FARS2: variants seen among roughly 807,000 people sequenced by gnomAD.
FARS2 encodes the protein phenylalanyl-tRNA synthetase 2, mitochondrial.
FARS2 carries 40 observed loss-of-function variants against 46.4 expected under a neutral mutation model. That is an observed-to-expected ratio of 0.86 (90% CI 0.67 to 1.12). The LOEUF is 1.12. Among genes scored for constraint, FARS2 ranks in the 50% most tolerant of loss-of-function variants. FARS2 has a pLI of 0.00. For missense variants in FARS2, 513 were observed against 567.9 expected (o/e 0.90, Z 0.98); for synonymous variants, 234 against 214.9 (o/e 1.09, Z -0.78).
intron 1 of FARS2, among the ~76,000 whole-genome samples, chr6:5,346,467 C>A (rs1757235288): frequency 6.6e-6 from 1 of 152,146 alleles, no homozygotes; most frequent in Non-Finnish European, 1.5e-5. Flanking sequence ...TCACTTTCAG[C>A]CCCTGAGCAT....
intron 2 of FARS2, among the ~76,000 whole-genome samples, chr6:5,401,093 C>T (rs1761228082): frequency 2.0e-5 from 3 of 151,584 alleles, no homozygotes; most frequent in East Asian, 3.9e-4. Flanking sequence ...GCTTTGTGGC[C>T]AGATTTATTT....
intron 5 of FARS2, among the ~76,000 whole-genome samples, chr6:5,551,899 T>G (rs915294878): frequency 2.0e-5 from 3 of 152,204 alleles, no homozygotes; most frequent in Admixed American, 6.5e-5. Flanking sequence ...CTCTTCTGAT[T>G]ACATGGAACC....
At chr6:5,458,630 C>CT (rs1470964219) in intron 4 of FARS2, among the ~76,000 whole-genome samples, 1 of 152,118 alleles carries the variant, frequency 6.6e-6, no homozygotes, top group Admixed American at 6.5e-5. Flanking sequence ...AATATTGAGA[C>CT]TGGCACTTCC....
chr6:5,596,756 G>A (rs542519736), intron 5 of FARS2, among the ~76,000 whole-genome samples: 34 of 152,334 alleles, frequency 2.2e-4, no homozygotes, highest in Non-Finnish European at 4.4e-4. Flanking sequence ...CAAGTCGGAT[G>A]TGAATGCCCC....
intron 4 of FARS2, chr6:5,466,903 C>T (rs1346716739): frequency 1.0e-6 from 1 of 985,090 alleles, no homozygotes; most frequent in Admixed American, 6.1e-5. Flanking sequence ...AGCACATGGG[C>T]ACCTCGGCCT....
intron 4 of FARS2, among the ~76,000 whole-genome samples, chr6:5,526,805 C>T (rs1349911071): frequency 6.6e-6 from 1 of 152,002 alleles, no homozygotes; most frequent in African/African-American, 2.4e-5. Context: ...TTAGTAGAGA[C>T]AGGATTTCAC....
In FARS2 at chr6:5,334,507, G is replaced by A. The variant is rs543410944; in HGVS notation, c.-21-34043G>A. ...AACAGCTAAGTAAACATGGGCTTTT[G>A]TATGATGGAATACTTGGCACCATTG... is the stretch of plus-strand genomic sequence containing the variant. On this transcript the variant is annotated intron_variant, in intron 1 of 6. Transcript: ENST00000274680. Among the ~76,000 whole-genome samples, 3 of 152,292 alleles carry A rather than the reference G, an allele frequency of 2.0e-5. No individual in the cohort carries two copies. In the East Asian group the frequency reaches 5.8e-4, roughly 29 times the overall value.
chr6:5,430,290 C>T (rs1179546539), intron 3 of FARS2, among the ~76,000 whole-genome samples: 2 of 152,162 alleles, frequency 1.3e-5, no homozygotes, highest in Non-Finnish European at 2.9e-5. Context: ...TATGGTTTCT[C>T]TGCTTTTAGT....
At chr6:5,302,104 T>C (rs955953991) in intron 1 of FARS2, among the ~76,000 whole-genome samples, 26 of 152,182 alleles carry the variant, frequency 1.7e-4, no homozygotes, top group African/African-American at 6.0e-4. Context: ...TCTTCCCACA[T>C]ATTGGAACAC....
At chr6:5,556,337 G>T (rs553907117) in intron 5 of FARS2, among the ~76,000 whole-genome samples, 1 of 152,024 alleles carries the variant, frequency 6.6e-6, no homozygotes, top group South Asian at 2.1e-4. Context: ...TCATCGTGGC[G>T]CATTCAACGA....
rs184975307 is a variant in FARS2, at chr6:5,546,397, C to A, written c.1065+1057C>A. 5.5e-4 allele frequency among the ~76,000 whole-genome samples: 83 copies of A among 151,188 alleles called. No homozygotes were observed. In the East Asian group the frequency reaches 0.016, roughly 29 times the overall value. ...TCCTGAGCAGCTGGGATTACAGGCG[C>A]CCACCACTACGCCCAGCTAATTTTG... On this transcript the variant is annotated intron_variant, in intron 5 of 6. Transcript: ENST00000274680.
intron 6 of FARS2, among the ~76,000 whole-genome samples, chr6:5,622,920 C>T (rs1392442227): frequency 2.0e-5 from 3 of 152,194 alleles, no homozygotes; most frequent in Admixed American, 6.5e-5. Flanking sequence ...TTAACTAGTG[C>T]TTCTTCCTTC....
intron 1 of FARS2, among the ~76,000 whole-genome samples, chr6:5,334,257 C>T (rs1771001151): frequency 6.6e-6 from 1 of 152,174 alleles, no homozygotes; most frequent in African/African-American, 2.4e-5. Context: ...GGGAGTATGG[C>T]ACTCGTACAT....
intron 4 of FARS2, among the ~76,000 whole-genome samples, chr6:5,514,034 A>C (rs1768624426): frequency 6.6e-6 from 1 of 152,032 alleles, no homozygotes; most frequent in Non-Finnish European, 1.5e-5. Context: ...ACTTAAGGAG[A>C]GTATACAATG....
At chr6:5,545,442 T>A in intron 5 of FARS2, 102 bp downstream of exon 5, 1 of 881,374 alleles carries the variant, frequency 1.1e-6, no homozygotes, top group Non-Finnish European at 1.7e-6. Context: ...TTTATTTATT[T>A]TATTTTATTT....
intron 1 of FARS2, among the ~76,000 whole-genome samples, chr6:5,364,931 C>A (rs1758551052): frequency 6.6e-6 from 1 of 152,008 alleles, no homozygotes; most frequent in Non-Finnish European, 1.5e-5. Flanking sequence ...ATCTCTGGGG[C>A]AGGGAGCCAC....
intron 5 of FARS2, among the ~76,000 whole-genome samples, chr6:5,599,012 G>A (rs1774357915): frequency 6.6e-6 from 1 of 152,216 alleles, no homozygotes; most frequent in Non-Finnish European, 1.5e-5. Flanking sequence ...CGCTAGCTGG[G>A]CCTCAGTTTT....
At chr6:5,713,316 A>C (rs1433276292) in intron 6 of FARS2, among the ~76,000 whole-genome samples, 1 of 152,200 alleles carries the variant, frequency 6.6e-6, no homozygotes, top group African/African-American at 2.4e-5. Flanking sequence ...GTTCTATTTC[A>C]ATTTCCAAAC....
At chr6:5,352,843 A>G (rs1757660207) in intron 1 of FARS2, among the ~76,000 whole-genome samples, 1 of 152,086 alleles carries the variant, frequency 6.6e-6, no homozygotes, top group Admixed American at 6.6e-5. Flanking sequence ...CTTGATACAT[A>G]TACATTGTGT....
Sources: allele counts gnomAD v4.1 joint callset (sites outside exome capture counted in the v4.1 genomes callset), GRCh38; gene constraint gnomAD v4.1.1; transcripts MANE v1.5; gene names NCBI Gene and HGNC (gene_info 2026-07-23, HGNC 2026-07-21).